The following TBL1XR1 variants were observed in gnomAD, a reference collection of about 807,000 sequenced individuals.
The protein encoded by TBL1XR1 is TBL1X/Y related 1.
TBL1XR1 carries 5 observed loss-of-function variants against 66.9 expected under a neutral mutation model. The ratio of observed to expected loss-of-function variants is 0.07; its 90% CI spans 0.04 to 0.16. The LOEUF is 0.16. Ranked by LOEUF, TBL1XR1 falls within the 10% of genes least tolerant of loss-of-function variation. TBL1XR1 has a pLI of 1.00. For synonymous variants in TBL1XR1, 210 were observed against 206.0 expected, an observed-to-expected ratio of 1.02 and a Z score of -0.17; for missense variants, 238 against 623.2, an observed-to-expected ratio of 0.38 and a Z score of 6.58.
intron 1 of TBL1XR1, among the ~76,000 whole-genome samples, chr3:177,107,692 C>T (rs953072805): frequency 2.0e-5 from 3 of 152,110 alleles, no homozygotes; most frequent in Non-Finnish European, 2.9e-5. Context: ...ATAGATACAC[C>T]ATCCGGGGAT....
At chr3:177,175,934 G>C (rs1340342189) in intron 1 of TBL1XR1, among the ~76,000 whole-genome samples, 1 of 151,500 alleles carries the variant, frequency 6.6e-6, no homozygotes, top group East Asian at 2.0e-4. Flanking sequence ...GTGGGCGCCT[G>C]TAGTCCCAGC....
intron 14 of TBL1XR1, chr3:177,027,705 G>C (rs1442928830): frequency 3.3e-5 from 5 of 152,182 alleles, no homozygotes; most frequent in African/African-American, 1.2e-4. Flanking sequence ...GTTTGACCGA[G>C]CTTTCCTCTT....
chr3:177,198,602 T>G (rs1403970943), upstream of TBL1XR1, among the ~76,000 whole-genome samples: 1 of 152,144 alleles, frequency 6.6e-6, no homozygotes, highest in Non-Finnish European at 1.5e-5. Flanking sequence ...TCTAAGACTT[T>G]CAGAAAGATG....
chr3:177,192,736 G>A (rs1297726669), intron 1 of TBL1XR1, among the ~76,000 whole-genome samples: 1 of 152,166 alleles, frequency 6.6e-6, no homozygotes, highest in East Asian at 1.9e-4. Flanking sequence ...AAACCTATCA[G>A]GAGCAACTTA....
intron 1 of TBL1XR1, chr3:177,195,470 G>T (rs909020001): frequency 1.8e-5 from 1 of 57,008 alleles, no homozygotes; most frequent in Admixed American, 1.7e-4. Context: ...ACAATCCCAG[G>T]AAGTCGGCAT....
chr3:177,112,116 T>A (rs1257002250), intron 1 of TBL1XR1, among the ~76,000 whole-genome samples: 3 of 118,358 alleles, frequency 2.5e-5, no homozygotes, highest in African/African-American at 8.9e-5. Context: ...TATTTTTTTT[T>A]TTTTTTTTTG....
chr3:177,100,223 T>C (rs745748397), intron 1 of TBL1XR1, among the ~76,000 whole-genome samples: 26 of 152,198 alleles, frequency 1.7e-4, no homozygotes, highest in Non-Finnish European at 2.9e-4. Flanking sequence ...GTCTGTGTGA[T>C]AGAGACTCTG....
intron 1 of TBL1XR1, among the ~76,000 whole-genome samples, chr3:177,188,911 A>C (rs1254501367): frequency 1.3e-5 from 2 of 152,202 alleles, no homozygotes; most frequent in African/African-American, 4.8e-5. Context: ...TCTATACATA[A>C]ATATTAAAAA....
chr3:177,100,055 T>C (rs1031019531), intron 1 of TBL1XR1, among the ~76,000 whole-genome samples: 1 of 152,144 alleles, frequency 6.6e-6, no homozygotes, highest in Non-Finnish European at 1.5e-5. Context: ...CTGGGCAGCA[T>C]GGTGAAATCC....
Position 177,135,338 on chromosome 3 carries a change from CATATATATATATATATATATATAT to C in TBL1XR1, c.-121-36821_-121-36798del, listed in dbSNP as rs1177634107. Among the ~76,000 whole-genome samples, 6 of 22,484 alleles carry C rather than the reference CATATATATATATATATATATATAT, an allele frequency of 2.7e-4. No homozygotes were observed. The East Asian group carries it at 4.4e-3, about 16-fold the overall frequency. 14.8% of individuals were successfully genotyped at this position (22,484 alleles called of 152,430 possible). ...GTGTGTGTGTGTGTGTGTGTGTATA[CATATATATATATATATATATATAT>C]ATATATATATATATATATATGTATG... On this transcript the variant is annotated intron_variant, in intron 1 of 15. Coordinates refer to ENST00000457928, the MANE Select transcript of TBL1XR1 (RefSeq NM_024665.7).
chr3:177,078,089 A>C (rs1720911623), intron 2 of TBL1XR1, among the ~76,000 whole-genome samples: 1 of 152,176 alleles, frequency 6.6e-6, no homozygotes, highest in African/African-American at 2.4e-5. Flanking sequence ...GTCACCTTTT[A>C]ATATGCATAT....
chr3:177,034,188 G>T lies in TBL1XR1; in HGVS notation c.1250+10C>A, dbSNP rs779035057. 6.2e-7 allele frequency: 1 copy of T among 1,600,422 alleles called. No homozygotes were observed. Among genetic ancestry groups the T allele is most frequent in the Non-Finnish European group, 8.5e-7 (1 of 1,176,358 alleles). ...GACTCATAAAAGGAAAAATGAAACA[G>T]AAGTATCACCTTGCTAACATAAGGT... On this transcript the variant is annotated intron_variant, in intron 13 of 15. Coordinates refer to ENST00000457928, the MANE Select transcript of TBL1XR1 (RefSeq NM_024665.7).
intron 3 of TBL1XR1, among the ~76,000 whole-genome samples, chr3:177,061,849 G>C (rs1718554974): frequency 6.6e-6 from 1 of 152,166 alleles, no homozygotes; most frequent in African/African-American, 2.4e-5. Flanking sequence ...TGTACTTGGT[G>C]ATTCTGAATT....
intron 14 of TBL1XR1, among the ~76,000 whole-genome samples, chr3:177,027,994 AAAC>A (rs1288126930): frequency 6.6e-6 from 1 of 152,204 alleles, no homozygotes; most frequent in East Asian, 1.9e-4. Context: ...TAAAAAAACA[AAAC>A]AACTTTCTTT....
chr3:177,086,121 C>A (rs1722084557), intron 2 of TBL1XR1, among the ~76,000 whole-genome samples: 1 of 150,314 alleles, frequency 6.7e-6, no homozygotes, highest in Admixed American at 6.7e-5. Context: ...TAGCCAAGTC[C>A]ACACACGTAA....
intron 1 of TBL1XR1, among the ~76,000 whole-genome samples, chr3:177,168,303 C>T (rs13083631): frequency 7.6e-5 from 11 of 144,098 alleles, no homozygotes; most frequent in African/African-American, 2.3e-4. Flanking sequence ...TTTTTTGAGA[C>T]GAAGTTTCAC....
chr3:177,061,673 A>G (rs1718529951), intron 3 of TBL1XR1, among the ~76,000 whole-genome samples: 1 of 152,208 alleles, frequency 6.6e-6, no homozygotes, highest in Non-Finnish European at 1.5e-5. Context: ...CAGTATAAAG[A>G]TTCCAGTTTC....
chr3:177,165,624 T>C (rs1732733496), intron 1 of TBL1XR1, among the ~76,000 whole-genome samples: 1 of 152,144 alleles, frequency 6.6e-6, no homozygotes, highest in African/African-American at 2.4e-5. Context: ...AATAGATCAG[T>C]GGAACAAAAT....
chr3:177,148,179 A>C (rs1730473567), intron 1 of TBL1XR1, among the ~76,000 whole-genome samples: 1 of 152,212 alleles, frequency 6.6e-6, no homozygotes, highest in Non-Finnish European at 1.5e-5. Flanking sequence ...ACTTTTTATA[A>C]ATTGTAGATT....
Sources: allele counts gnomAD v4.1 joint callset (sites outside exome capture counted in the v4.1 genomes callset), GRCh38; gene constraint gnomAD v4.1.1; transcripts MANE v1.5; gene names NCBI Gene and HGNC (gene_info 2026-07-23, HGNC 2026-07-21).